Variants in ASS1 observed in about 807,000 individuals in gnomAD.
The protein encoded by ASS1 is argininosuccinate synthase.
ASS1 carries 58 observed loss-of-function variants against 60.5 expected under a neutral mutation model. The ratio of observed to expected loss-of-function variants is 0.96; its 90% CI spans 0.78 to 1.19. ASS1 has a LOEUF of 1.19. ASS1 is among the 50% of genes most tolerant of loss of function. The probability of loss-of-function intolerance (pLI) is 0.00; values close to 1 mark genes in which losing one functional copy is unlikely to be tolerated. For synonymous variants in ASS1, 200 were observed against 206.9 expected (o/e 0.97, Z 0.29); for missense variants, 454 against 547.3 (o/e 0.83, Z 1.70).
intron 7 of ASS1, 77 bp from the exon 8 acceptor site, chr9:130,471,408 T>C: frequency 1.9e-6 from 3 of 1,548,468 alleles, no homozygotes; most frequent in African/African-American, 1.4e-5. Flanking sequence ...ATGGGCACAA[T>C]GGGGTGTGTG....
intron 6 of ASS1, 150 bp downstream of exon 6, chr9:130,466,949 C>T (rs891019685): frequency 2.1e-5 from 20 of 936,996 alleles, no homozygotes; most frequent in East Asian, 5.2e-5. Flanking sequence ...TGCCTACACA[C>T]GTGGCCTCTG....
chr9:130,493,763 C>CTGCT (rs1221219580), intron 12 of ASS1, among the ~76,000 whole-genome samples: 3 of 152,206 alleles, frequency 2.0e-5, no homozygotes, highest in African/African-American at 7.2e-5. Context: ...GCCTGCCTGC[C>CTGCT]TGCCTGCCTG....
intron 1 of ASS1, among the ~76,000 whole-genome samples, chr9:130,450,085 T>C (rs4740158): frequency 0.78 from 118,148 of 152,178 alleles, 46,055 homozygotes; most frequent in East Asian, 0.9. Context: ...GGCTTCCACA[T>C]ATTTCCTGAA....
chr9:130,467,883 G>A (rs938529063), intron 6 of ASS1, among the ~76,000 whole-genome samples: 12 of 152,140 alleles, frequency 7.9e-5, no homozygotes, highest in Non-Finnish European at 1.5e-4. Context: ...CTTTCTTTCC[G>A]TTAAGTCCCC....
At chr9:130,466,862 C>T in intron 6 of ASS1, 63 bp downstream of exon 6, 1 of 1,558,606 alleles carries the variant, frequency 6.4e-7, no homozygotes, top group South Asian at 1.1e-5. Context: ...GGGCACGTCC[C>T]TGCTGGGGGC....
At chr9:130,490,024 G>A (rs190487949) in intron 12 of ASS1, among the ~76,000 whole-genome samples, 2 of 152,370 alleles carry the variant, frequency 1.3e-5, no homozygotes, top group African/African-American at 2.4e-5. Flanking sequence ...GCCAGATCTT[G>A]ACCATGAAAC....
In ASS1 at chr9:130,459,632, G is replaced by A. The variant is rs751683008; in HGVS notation, c.363+1043G>A. On this transcript the variant is annotated intron_variant, in intron 4 of 14. Coordinates refer to ENST00000352480, the MANE Select transcript of ASS1 (RefSeq NM_054012.4). This position sits in a 1 kb window ranked among gnomAD's most constrained non-coding sequence, Gnocchi z 4.6. The stretch of plus-strand genomic sequence containing the variant: ...GTATTTTTAGTAGAGACGGGGTTTC[G>A]CCATGTTGGGCAGGCTGGTCTTGAA... Among the ~76,000 whole-genome samples the A allele has an allele frequency of 2.0e-5, 3 of 152,070 alleles. No individual in the cohort carries two copies. The highest frequency in any genetic ancestry group is 2.9e-5 in the Non-Finnish European group (2 of 68,014).
intron 13 of ASS1, 68 bp downstream of exon 13, chr9:130,495,091 A>G (rs1388046090): frequency 5.9e-6 from 9 of 1,532,656 alleles, no homozygotes; most frequent in Non-Finnish European, 7.9e-6. Context: ...TGGATCCTCA[A>G]GACATCTGTG....
intron 11 of ASS1, among the ~76,000 whole-genome samples, chr9:130,487,231 G>A (rs140300706): frequency 2.6e-4 from 39 of 152,270 alleles, no homozygotes; most frequent in African/African-American, 8.7e-4. Flanking sequence ...ACACGGTACC[G>A]GATTGATCCT....
At chr9:130,464,488 C>T (rs544068540) in intron 5 of ASS1, among the ~76,000 whole-genome samples, 77 of 152,084 alleles carry the variant, frequency 5.1e-4, no homozygotes, top group African/African-American at 1.7e-3. Context: ...ACCCCAGGTG[C>T]GGGCAGGGAT....
At chr9:130,471,907 T>C (rs640181) in intron 8 of ASS1, among the ~76,000 whole-genome samples, 118,333 of 151,612 alleles carry the variant, frequency 0.78, 47,798 homozygotes, top group East Asian at 0.97. Flanking sequence ...TTGTGGGGGG[T>C]GGGGGGAGGC....
chr9:130,462,184 T>C (rs112211404), intron 4 of ASS1, among the ~76,000 whole-genome samples: 63 of 152,138 alleles, frequency 4.1e-4, no homozygotes, highest in African/African-American at 1.5e-3. Context: ...CCTGGAAATA[T>C]GATTCTGAGA....
At chr9:130,452,399 C>A in intron 2 of ASS1, 66 bp downstream of exon 2, 1 of 1,411,280 alleles carries the variant, frequency 7.1e-7, no homozygotes, top group Non-Finnish European at 1.0e-6. Context: ...TGCCCCCTGC[C>A]AGCCTCTGTC....
At chr9:130,455,633 C>T (rs895082364) in intron 3 of ASS1, among the ~76,000 whole-genome samples, 2 of 152,250 alleles carry the variant, frequency 1.3e-5, no homozygotes, top group South Asian at 2.1e-4. Context: ...ACCCCTGTCC[C>T]ATACAGGGCA....
In ASS1 at chr9:130,491,332, C is replaced by T. The variant is rs561225127; in HGVS notation, c.970+1868C>T. ...GAGAGAGCACCTGGCCGGGCTGCTC[C>T]GGGGCCTCCACGGAGGCTGATCCCA... On this transcript the variant is annotated intron_variant, in intron 12 of 14. Transcript: ENST00000352480. This position sits in a 1 kb window ranked among gnomAD's most constrained non-coding sequence, Gnocchi z 5.3. 6.4e-4 allele frequency among the ~76,000 whole-genome samples: 97 copies of T among 151,774 alleles called. No individual in the cohort carries two copies. Among genetic ancestry groups the T allele is most frequent in the African/African-American group, 2.2e-3 (93 of 41,474 alleles).
chr9:130,476,907 G>C lies in ASS1; in HGVS notation c.634G>C (p.Asp212His). Residue 212 changes from aspartate to histidine, a missense_variant, in exon 9 of 15, where the codon GAC (aspartate) becomes CAC (histidine). Physicochemically the swap from Asp to His is moderately conservative, Grantham distance 81 (BLOSUM62 -1). Coordinates refer to ENST00000352480, the MANE Select transcript of ASS1 (RefSeq NM_054012.4). This position sits in a 1 kb window ranked among gnomAD's most constrained non-coding sequence, Gnocchi z 4.9. ...TCCAGGTCTCTACACGAAGACCCAG[G>C]ACCCAGCCAAAGCCCCCAACACCCC... ...APPGLYTKTQ[D>H]PAKAPNTPDI... The C allele has an allele frequency of 4.3e-6, 7 of 1,614,090 alleles. No homozygotes were observed. The highest frequency in any genetic ancestry group is 5.9e-6 in the Non-Finnish European group (7 of 1,180,014).
Position 130,489,506 on chromosome 9 carries a change from A to G in ASS1, c.970+42A>G, listed in dbSNP as rs368971364. The G allele has an allele frequency of 5.3e-5, 85 of 1,613,322 alleles. No individual in the cohort carries two copies. The highest frequency in any genetic ancestry group is 7.0e-5 in the Non-Finnish European group (82 of 1,179,690). On this transcript the variant is annotated intron_variant, in intron 12 of 14. Transcript: ENST00000352480. This position sits in a 1 kb window ranked among gnomAD's most constrained non-coding sequence, Gnocchi z 4.1. ...GGCTGCCCCCTCTAACCGCCTCACA[A>G]GGGATCCCAAAGTACTATCAGGCTC...
intron 4 of ASS1, among the ~76,000 whole-genome samples, chr9:130,460,485 C>T (rs143210348): frequency 1.4e-3 from 210 of 152,168 alleles, no homozygotes; most frequent in Non-Finnish European, 2.0e-3. Flanking sequence ...GGAGTGGGGC[C>T]AGGGGTCTGT....
intron 8 of ASS1, among the ~76,000 whole-genome samples, chr9:130,473,868 G>A (rs951493300): frequency 1.1e-4 from 16 of 152,086 alleles, no homozygotes; most frequent in Non-Finnish European, 2.1e-4. Flanking sequence ...TTCAGTCGCC[G>A]GCCCGCCATA....
Sources: allele counts gnomAD v4.1 joint callset (sites outside exome capture counted in the v4.1 genomes callset), GRCh38; gene constraint gnomAD v4.1.1; non-coding constraint Gnocchi (gnomAD v3.1); transcripts MANE v1.5; gene names NCBI Gene and HGNC (gene_info 2026-07-23, HGNC 2026-07-21).